Variants in TMPRSS9 observed in about 807,000 individuals in gnomAD.
The protein encoded by TMPRSS9 is transmembrane protease serine 9.
In TMPRSS9, 113 loss-of-function variants were observed where a neutral mutation model predicts 111.4. The ratio of observed to expected loss-of-function variants is 1.01; its 90% CI spans 0.87 to 1.19. The LOEUF is 1.19. TMPRSS9 is among the 50% of genes most tolerant of loss of function. The pLI is 0.00. For synonymous variants in TMPRSS9, 805 were observed against 659.1 expected (o/e 1.22, Z -3.39); for missense variants, 1,803 against 1,513.1 (o/e 1.19, Z -3.18).
exon 5 of TMPRSS9, chr19:2,401,975 G>A (rs762530952): frequency 6.5e-5 from 105 of 1,610,746 alleles, no homozygotes; most frequent in Non-Finnish European, 8.7e-5. Flanking sequence ...TTTGTTGCAG[G>A]GAGACATAAG....
chr19:2,379,626 T>TTTCTTTCTTTCTTTCC (rs1568170755), intron 1 of TMPRSS9, among the ~76,000 whole-genome samples: 35 of 139,954 alleles, frequency 2.5e-4, no homozygotes, highest in African/African-American at 9.0e-4. Flanking sequence ...TCTTTCTTTC[T>TTTCTTTCTTTCTTTCC]TTCTTTCTTT....
chr19:2,386,021 T>C (rs1970467688), upstream of TMPRSS9, among the ~76,000 whole-genome samples: 1 of 152,064 alleles, frequency 6.6e-6, no homozygotes, highest in Non-Finnish European at 1.5e-5. Flanking sequence ...CACAGGTCCT[T>C]GCAGCCTCAA....
intron 1 of TMPRSS9, among the ~76,000 whole-genome samples, chr19:2,368,857 T>C (rs1970268368): frequency 7.2e-6 from 1 of 139,008 alleles, no homozygotes; most frequent in Non-Finnish European, 1.5e-5. Context: ...CAATCTCAGC[T>C]CACTGCAACC....
chr19:2,396,207 C>G (rs995223221), intron 1 of TMPRSS9: 1 of 222,046 alleles, frequency 4.5e-6, no homozygotes, highest in African/African-American at 2.3e-5. Context: ...GCATGGGAGA[C>G]AGGCATGAGC....
rs1005593319 is a variant in TMPRSS9, at chr19:2,408,714, C to G, written c.1117+84C>G. The G allele has an allele frequency of 7.9e-6, 12 of 1,517,912 alleles. No homozygotes were observed. In the Admixed American group the frequency reaches 9.3e-5, roughly 12 times the overall value. 94.0% of individuals were successfully genotyped at this position (1,517,912 alleles called of 1,614,324 possible). A position where few individuals can be genotyped will look rare whatever the true frequency, so the allele number is the denominator to read the frequency against. On this transcript the variant is annotated intron_variant, in intron 8 of 17. Coordinates refer to ENST00000648592, the Ensembl canonical transcript of TMPRSS9. Reference sequence around the variant, plus strand: ...GAAAAGGGCCAGGTGAGGTGGCTCACGCCTGTCATCCCAGCACTTTGGGAG... The same window carrying G: ...GAAAAGGGCCAGGTGAGGTGGCTCAGGCCTGTCATCCCAGCACTTTGGGAG...
chr19:2,404,917 G>A (rs1970936560), intron 6 of TMPRSS9, among the ~76,000 whole-genome samples: 1 of 145,072 alleles, frequency 6.9e-6, no homozygotes, highest in Non-Finnish European at 1.5e-5. Context: ...GGACAACAGA[G>A]CGAGACTCCA....
intron 14 of TMPRSS9, among the ~76,000 whole-genome samples, chr19:2,423,290 G>T (rs1243765149): frequency 6.6e-6 from 1 of 151,926 alleles, no homozygotes; most frequent in East Asian, 1.9e-4. Context: ...AAATACAGGC[G>T]GGTTCTGTGT....
chr19:2,422,287 C>G (rs538988683), intron 14 of TMPRSS9, 40 bp downstream of exon 15: 1 of 1,488,472 alleles, frequency 6.7e-7, no homozygotes, highest in South Asian at 1.4e-5. Flanking sequence ...AGTGGAGGGT[C>G]CCATGTTAAT....
intron 1 of TMPRSS9, among the ~76,000 whole-genome samples, chr19:2,372,178 C>G (rs921183519): frequency 6.6e-6 from 1 of 152,148 alleles, no homozygotes; most frequent in African/African-American, 2.4e-5. Flanking sequence ...TTCCCTGTAT[C>G]TTGGTGCGCA....
chr19:2,394,345 C>CAGTGG (rs1970663916), intron 1 of TMPRSS9, among the ~76,000 whole-genome samples: 1 of 151,996 alleles, frequency 6.6e-6, no homozygotes, highest in Non-Finnish European at 1.5e-5. Flanking sequence ...AGTGATTGTG[C>CAGTGG]CACTGCACTG....
At chr19:2,400,597 C>T (rs1403263679) in intron 4 of TMPRSS9, among the ~76,000 whole-genome samples, 1 of 151,908 alleles carries the variant, frequency 6.6e-6, no homozygotes, top group Non-Finnish European at 1.5e-5. Flanking sequence ...ATTTTGTATG[C>T]ACCTGGTTTT....
chr19:2,425,605 C>G lies in TMPRSS9; in HGVS notation c.3120+112C>G, dbSNP rs977111014. The G allele has an allele frequency of 1.7e-5, 23 of 1,379,672 alleles. No homozygotes were observed. The African/African-American group carries it at 3.3e-4, about 20-fold the overall frequency. The allele number at this position is 1,379,672 out of a possible 1,614,324, so 85.5% of individuals were successfully genotyped here. On this transcript the variant is annotated intron_variant, in intron 17 of 17. Coordinates refer to ENST00000648592, the Ensembl canonical transcript of TMPRSS9. ...GAGCCACCCTCCGGTGCAGGCTTCT[C>G]CAGCGGATCAAGCAGGGAGCCTTTT...
At chr19:2,378,538 T>C (rs139745335) in intron 1 of TMPRSS9, among the ~76,000 whole-genome samples, 11,410 of 152,154 alleles carry the variant, frequency 0.075, 1,400 homozygotes, top group African/African-American at 0.26. Context: ...GCCAATATGG[T>C]GAAACCCCAT....
In TMPRSS9 at chr19:2,380,372, G is replaced by A. The variant is rs1970376800; in HGVS notation, c.-25-9389G>A. 2.0e-5 allele frequency among the ~76,000 whole-genome samples: 3 copies of A among 151,924 alleles called. No individual in the cohort carries two copies. The South Asian group carries it at 6.2e-4, about 32-fold the overall frequency. On this transcript the variant is annotated intron_variant, in intron 1 of 17. Coordinates refer to the TMPRSS9 transcript ENST00000649857. Reference sequence around the variant, plus strand: ...GGACTTTGGGAGGCCAAGGTGGGTGGATCGTTTGAGGTCTGGAGTTCAAGA... The same window carrying A: ...GGACTTTGGGAGGCCAAGGTGGGTGAATCGTTTGAGGTCTGGAGTTCAAGA...
rs756063267 is a variant in TMPRSS9, at chr19:2,396,516, A to G, written c.143-23A>G. On this transcript the variant is annotated intron_variant, in intron 1 of 17. Coordinates refer to ENST00000648592, the Ensembl canonical transcript of TMPRSS9. The stretch of plus-strand genomic sequence containing the variant: ...TGAGCCCCCAAAGGTGGGCTCTCTC[A>G]CGGGCCCTGGTCTCGTCCCCAGCCT... 3.2e-6 allele frequency: 5 copies of G among 1,577,662 alleles called. No individual in the cohort carries two copies. The South Asian group carries it at 5.7e-5, about 18-fold the overall frequency.
At chr19:2,398,964 T>A in intron 3 of TMPRSS9, 54 bp from the exon 5 acceptor site, 2 of 1,571,172 alleles carry the variant, frequency 1.3e-6, no homozygotes, top group Non-Finnish European at 1.7e-6. Flanking sequence ...TTCCAGAAGA[T>A]TCCAGCAGGG....
exon 17 of TMPRSS9, chr19:2,425,420 G>A (rs1396407797): frequency 3.2e-6 from 5 of 1,584,192 alleles, no homozygotes; most frequent in Non-Finnish European, 4.3e-6. Flanking sequence ...ACCTGCCGCC[G>A]CTTCTACCCA....
chr19:2,366,909 C>T (rs72987496), intron 1 of TMPRSS9, among the ~76,000 whole-genome samples: 3,894 of 150,336 alleles, frequency 0.026, 76 homozygotes, highest in Non-Finnish European at 0.041. Flanking sequence ...TCTGAAAGCT[C>T]GTCTGGGCCT....
rs764388592 is a variant in TMPRSS9 at position 2,389,918 on chromosome 19, G to A, written c.133G>A (p.Val45Ile). The A allele has an allele frequency of 6.2e-6, 10 of 1,607,734 alleles. No homozygotes were observed. In the South Asian group the frequency reaches 1.1e-4, roughly 18 times the overall value. The change falls in exon 1 of 18, where the codon GTC becomes ATC. Residue 45 changes from valine (V) to isoleucine (I), a missense_variant. Coordinates refer to ENST00000648592, the Ensembl canonical transcript of TMPRSS9. ...CAGCCTTGTCGTCCTCACCCTGGGA[G>A]TCCTTTTGGGTAAGTGGCTATGGGA... is the stretch of plus-strand genomic sequence containing the variant.
Sources: allele counts gnomAD v4.1 joint callset (sites outside exome capture counted in the v4.1 genomes callset), GRCh38; gene constraint gnomAD v4.1.1; transcripts MANE v1.5; gene names NCBI Gene and HGNC (gene_info 2026-07-23, HGNC 2026-07-21).